Variants in GSKIP observed in about 807,000 individuals in gnomAD.
The protein encoded by GSKIP is GSK3B-interacting protein.
In GSKIP, 5 loss-of-function variants were observed where a neutral mutation model predicts 11.9. That is an observed-to-expected ratio of 0.42 (90% CI 0.22 to 0.89). GSKIP has a LOEUF of 0.89. Among genes scored for constraint, GSKIP ranks in the 40% least tolerant of loss-of-function variants. GSKIP has a pLI of 0.29. For synonymous variants in GSKIP, 70 were observed against 62.9 expected (o/e 1.11, Z -0.54); for missense variants, 150 against 166.6 (o/e 0.90, Z 0.55).
chr14:96,379,637 A>C (rs1218942901), intron 1 of GSKIP, 51 bp from the exon 2 acceptor site: 1 of 152,194 alleles, frequency 6.6e-6, no homozygotes, highest in African/African-American at 2.4e-5. Context: ...ATTTCAGGGA[A>C]AGTGTCTTAA....
chr14:96,387,216 G>A lies in GSKIP; in HGVS notation c.*1532G>A, dbSNP rs563762343. 17 of 152,252 alleles carry A rather than the reference G, an allele frequency of 1.1e-4. No individual in the cohort carries two copies. Among genetic ancestry groups the A allele is most frequent in the African/African-American group, 4.1e-4 (17 of 41,560 alleles). The allele number at this position is 152,252 out of a possible 1,614,324, so 9.4% of individuals were successfully genotyped here. ...ATAAAATTCTGTTTACTCATTTTGAGTTAGTATGAAAAAAAGTGATTGTAT... is the reference window on the plus strand; with the variant it reads ...ATAAAATTCTGTTTACTCATTTTGAATTAGTATGAAAAAAAGTGATTGTAT... On this transcript the variant is annotated 3_prime_UTR_variant, in exon 4 of 4. Transcript: ENST00000555181.
Position 96,382,280 on chromosome 14 carries a change from C to T in GSKIP, c.33C>T (p.Ser11=), listed in dbSNP as rs562745853. The change falls in exon 3 of 4, where the codon AGC becomes AGT. Residue 11 remains serine, a synonymous_variant. Transcript: ENST00000555181. ...CAGACTGTAATCCCATGGAGCTAAG[C>T]AGTATGTCAGGATTTGAAGAAGGTT... METDCNPMEL[S]SMSGFEEGSE... 1.2e-6 allele frequency: 2 copies of T among 1,610,032 alleles called. No individual in the cohort carries two copies. The highest frequency in any genetic ancestry group is 1.7e-6 in the Non-Finnish European group (2 of 1,177,680).
At chr14:96,377,692 C>G (rs934000976) in intron 1 of GSKIP, among the ~76,000 whole-genome samples, 1 of 152,200 alleles carries the variant, frequency 6.6e-6, no homozygotes, top group South Asian at 2.1e-4. Flanking sequence ...AGCAACCTAG[C>G]TGCTCACTGC....
intron 1 of GSKIP, among the ~76,000 whole-genome samples, chr14:96,370,421 C>T (rs1258978180): frequency 2.0e-5 from 3 of 149,960 alleles, no homozygotes; most frequent in Non-Finnish European, 4.4e-5. Flanking sequence ...CATCAAGTCT[C>T]TTGTCAAAAT....
At chr14:96,368,151 C>T (rs1888945955) in intron 1 of GSKIP, among the ~76,000 whole-genome samples, 2 of 145,196 alleles carry the variant, frequency 1.4e-5, no homozygotes, top group African/African-American at 5.1e-5. Context: ...TTTCTGGTTT[C>T]GAAGGAAAGG....
chr14:96,364,383 G>A (rs1180640068), intron 1 of GSKIP: 2 of 152,188 alleles, frequency 1.3e-5, no homozygotes, highest in Admixed American at 6.5e-5. Context: ...TTATGTGCAT[G>A]GATTTGTTGG....
In GSKIP at chr14:96,373,382, AGT is replaced by A. The variant is rs200593442; in HGVS notation, c.-102-6303_-102-6302del. Among the ~76,000 whole-genome samples the A allele has an allele frequency of 8.0e-3, 1,219 of 152,156 alleles. 12 individuals carry two copies. The highest frequency in any genetic ancestry group is 0.013 in the Non-Finnish European group (914 of 67,994). On this transcript the variant is annotated intron_variant, in intron 1 of 3. Transcript: ENST00000555181. Reference sequence around the variant, plus strand: ...TGGATAATATCAAATCATTTTCCAAAGTGTTGTGCCAGTTTACACTCCCACTC... The same window carrying A: ...TGGATAATATCAAATCATTTTCCAAAGTTGTGCCAGTTTACACTCCCACTC...
At position 96,385,579 on chromosome 14, in the gene GSKIP, A is replaced by C; in HGVS notation, c.315A>C (p.Glu105Asp). ...ATCATTTACAGACTCCCTACCATGAAACAGTCTACTCCTTGTTGGATACAC... is the reference window on the plus strand; with the variant it reads ...ATCATTTACAGACTCCCTACCATGACACAGTCTACTCCTTGTTGGATACAC... ...VDDHLQTPYH[E>D]TVYSLLDTLS... The change falls in exon 4 of 4, where the codon GAA becomes GAC. Residue 105 changes from glutamate (E) to aspartate (D), a missense_variant. Glu to Asp is a conservative substitution (Grantham distance 45). Coordinates refer to ENST00000555181, the MANE Select transcript of GSKIP (RefSeq NM_016472.5). The C allele has an allele frequency of 6.2e-7, 1 of 1,613,176 alleles. No individual in the cohort carries two copies. Among genetic ancestry groups the C allele is most frequent in the Non-Finnish European group, 8.5e-7 (1 of 1,179,344 alleles).
intron 1 of GSKIP, chr14:96,364,447 C>A (rs1388316152): frequency 2.0e-5 from 3 of 152,180 alleles, no homozygotes; most frequent in Non-Finnish European, 4.4e-5. Context: ...CTGAAACATA[C>A]AGCTGTTTAA....
chr14:96,369,582 A>C (rs181997413), intron 1 of GSKIP, among the ~76,000 whole-genome samples: 1 of 152,202 alleles, frequency 6.6e-6, no homozygotes. Context: ...CTCCAGCTCC[A>C]GTTCTGTTTC....
intron 1 of GSKIP, among the ~76,000 whole-genome samples, chr14:96,366,551 G>A (rs1157382763): frequency 1.3e-5 from 2 of 152,094 alleles, no homozygotes; most frequent in African/African-American, 4.8e-5. Flanking sequence ...CAAAGACAAA[G>A]TACCTGTCAC....
chr14:96,365,453 A>G (rs1888852593), intron 1 of GSKIP, among the ~76,000 whole-genome samples: 1 of 114,562 alleles, frequency 8.7e-6, no homozygotes, highest in Non-Finnish European at 1.7e-5. Context: ...AGGAAAAAGT[A>G]GAAGCTGGGC....
intron 1 of GSKIP, among the ~76,000 whole-genome samples, chr14:96,374,506 G>A (rs1156528486): frequency 1.3e-5 from 2 of 152,114 alleles, no homozygotes; most frequent in Non-Finnish European, 2.9e-5. Context: ...AACAAGACAA[G>A]CAAGGTGTGA....
Position 96,382,502 on chromosome 14 carries a change from C to G in GSKIP, c.255C>G (p.Leu85=), listed in dbSNP as rs370318470. ...RYCLELTEAG[L]KVVGYAFDQV... is the part of the protein sequence containing the mutation. ...GCCTAGAACTCACTGAAGCAGGGCT[C>G]AAGGTAACTCACTTTTCCTTTTAGA... The change falls in exon 3 of 4, where the codon CTC becomes CTG. Residue 85 remains leucine, a synonymous_variant. Coordinates refer to ENST00000555181, the MANE Select transcript of GSKIP (RefSeq NM_016472.5). 34 of 1,595,580 alleles carry G rather than the reference C, an allele frequency of 2.1e-5. No individual in the cohort carries two copies. Among genetic ancestry groups the G allele is most frequent in the Non-Finnish European group, 2.9e-5 (34 of 1,171,522 alleles).
chr14:96,385,613 G>A lies in GSKIP; in HGVS notation c.349G>A (p.Ala117Thr), dbSNP rs757608565. The change falls in exon 4 of 4, where the codon GCC (alanine) becomes ACC (threonine). Residue 117 changes from alanine (A) to threonine (T), a missense_variant. Ala to Thr is a moderately conservative substitution (Grantham distance 58). Coordinates refer to ENST00000555181, the MANE Select transcript of GSKIP (RefSeq NM_016472.5). ...CTCCTTGTTGGATACACTCAGCCCC[G>A]CCTACCGAGAAGCATTTGGAAACGC... ...VYSLLDTLSPAYREAFGNALL... is the reference protein window; with the variant it reads ...VYSLLDTLSPTYREAFGNALL... 1.2e-5 allele frequency: 20 copies of A among 1,613,098 alleles called. No homozygotes were observed. The Middle Eastern group carries it at 4.9e-4, about 40-fold the overall frequency.
intron 1 of GSKIP, among the ~76,000 whole-genome samples, chr14:96,371,540 G>T (rs183427330): frequency 2.7e-3 from 403 of 150,444 alleles, no homozygotes; most frequent in Non-Finnish European, 4.7e-3. Flanking sequence ...TGCCTCTCGG[G>T]TTCAAGAGAT....
At chr14:96,366,092 A>G (rs1208617816) in intron 1 of GSKIP, among the ~76,000 whole-genome samples, 2 of 152,022 alleles carry the variant, frequency 1.3e-5, no homozygotes, top group East Asian at 3.9e-4. Context: ...TTCTGGATAT[A>G]TTTTGAAGAT....
chr14:96,364,937 CG>C (rs1291613855), intron 1 of GSKIP: 1 of 149,386 alleles, frequency 6.7e-6, no homozygotes, highest in African/African-American at 2.4e-5. Context: ...CAGAAAGGAT[CG>C]TACGAGCTAT....
intron 1 of GSKIP, among the ~76,000 whole-genome samples, chr14:96,367,874 C>T (rs1888936013): frequency 6.6e-6 from 1 of 152,136 alleles, no homozygotes; most frequent in East Asian, 1.9e-4. Flanking sequence ...GTCAAGTATT[C>T]CAATTTTTGT....
Sources: allele counts gnomAD v4.1 joint callset (sites outside exome capture counted in the v4.1 genomes callset), GRCh38; gene constraint gnomAD v4.1.1; transcripts MANE v1.5; gene names NCBI Gene and HGNC (gene_info 2026-07-23, HGNC 2026-07-21).